The following FBXL7 variants were observed in gnomAD, a reference collection of about 807,000 sequenced individuals.
The protein encoded by FBXL7 is F-box and leucine rich repeat protein 7.
In FBXL7, 12 loss-of-function variants were observed where a neutral mutation model predicts 38.3. The ratio of observed to expected loss-of-function variants is 0.31; its 90% confidence interval spans 0.20 to 0.51. The LOEUF (loss-of-function observed/expected upper bound fraction) is 0.51, where lower values mean the gene tolerates loss of function less well. FBXL7 is among the 20% of genes least tolerant of loss of function. The pLI, the probability that FBXL7 is intolerant of heterozygous loss-of-function variation, is 0.98. For missense variants in FBXL7, 567 were observed against 676.4 expected (o/e 0.84, Z 1.79); for synonymous variants, 297 against 300.9 (o/e 0.99, Z 0.13).
At chr5:15,892,724 C>T (rs1298723933) in intron 2 of FBXL7, among the ~76,000 whole-genome samples, 1 of 152,168 alleles carries the variant, frequency 6.6e-6, no homozygotes, top group East Asian at 1.9e-4. Context: ...GTGTGCCTGA[C>T]CCTTCATTAA....
intron 2 of FBXL7, among the ~76,000 whole-genome samples, chr5:15,808,301 A>G (rs1737769215): frequency 6.6e-6 from 1 of 151,962 alleles, no homozygotes; most frequent in Non-Finnish European, 1.5e-5. Flanking sequence ...TTTTTACATT[A>G]ATTTGCCTTC....
At chr5:15,589,252 C>T (rs910777911) in intron 1 of FBXL7, among the ~76,000 whole-genome samples, 3 of 151,994 alleles carry the variant, frequency 2.0e-5, no homozygotes, top group South Asian at 2.1e-4. Flanking sequence ...TTTCTGTCCC[C>T]GCCCAAATCT....
intron 2 of FBXL7, among the ~76,000 whole-genome samples, chr5:15,876,078 C>T (rs1375912080): frequency 6.6e-6 from 1 of 152,082 alleles, no homozygotes; most frequent in South Asian, 2.1e-4. Flanking sequence ...AGCCATAAAA[C>T]AGAATGAGTT....
chr5:15,801,185 C>T (rs1737555065), intron 2 of FBXL7, among the ~76,000 whole-genome samples: 1 of 152,176 alleles, frequency 6.6e-6, no homozygotes, highest in South Asian at 2.1e-4. Flanking sequence ...CTACAAAATA[C>T]ATTTGCAATA....
intron 1 of FBXL7, among the ~76,000 whole-genome samples, chr5:15,512,457 A>C (rs1414325115): frequency 2.6e-5 from 4 of 152,182 alleles, no homozygotes; most frequent in African/African-American, 7.2e-5. Flanking sequence ...ATAAGGATGG[A>C]TCTATAGCCA....
At chr5:15,805,907 ATCT>A (rs1387901082) in intron 2 of FBXL7, among the ~76,000 whole-genome samples, 7 of 152,328 alleles carry the variant, frequency 4.6e-5, no homozygotes, top group African/African-American at 1.4e-4. Context: ...TGAGAGGCTT[ATCT>A]TCTTTTCTCA....
In FBXL7 at chr5:15,936,387, T is replaced by C. The variant is rs1026279759; in HGVS notation, c.740-63T>C. The C allele has an allele frequency of 5.8e-6, 9 of 1,555,762 alleles. No individual in the cohort carries two copies. In the Admixed American group the frequency reaches 1.4e-4, roughly 24 times the overall value. On this transcript the variant is annotated intron_variant, in intron 3 of 3. Transcript: ENST00000504595. The surrounding 1 kb of genome is among the most constrained non-coding windows in gnomAD (Gnocchi z 6.0). Reference sequence around the variant, plus strand: ...CGAGGGTCAGGAATGCCCCAGGGCATCCCCAGGCGTGGCTCCCCTGCTGGC... The same window carrying C: ...CGAGGGTCAGGAATGCCCCAGGGCACCCCCAGGCGTGGCTCCCCTGCTGGC...
intron 2 of FBXL7, among the ~76,000 whole-genome samples, chr5:15,894,820 T>C (rs952503244): frequency 3.3e-5 from 5 of 152,256 alleles, no homozygotes; most frequent in Non-Finnish European, 7.3e-5. Flanking sequence ...CAATTCTAGC[T>C]GTGCCATCAG....
At chr5:15,670,018 A>T (rs1402915076) in intron 2 of FBXL7, among the ~76,000 whole-genome samples, 1 of 152,166 alleles carries the variant, frequency 6.6e-6, no homozygotes, top group Admixed American at 6.6e-5. Flanking sequence ...CACAAAGACC[A>T]CAGAGTATTG....
intron 2 of FBXL7, among the ~76,000 whole-genome samples, chr5:15,656,431 C>T (rs983092626): frequency 1.3e-5 from 2 of 152,092 alleles, no homozygotes; most frequent in African/African-American, 2.4e-5. Context: ...AGGAGGAGCA[C>T]GTCCCGTCTT....
intron 2 of FBXL7, among the ~76,000 whole-genome samples, chr5:15,620,413 GTTT>G (rs1222509010): frequency 4.2e-5 from 4 of 95,214 alleles, no homozygotes; most frequent in Non-Finnish European, 6.9e-5. Context: ...TTTGTTTTTT[GTTT>G]TTTTTTTTTT....
At chr5:15,561,017 CAT>C (rs901302525) in intron 1 of FBXL7, among the ~76,000 whole-genome samples, 2 of 152,188 alleles carry the variant, frequency 1.3e-5, no homozygotes, top group African/African-American at 4.8e-5. Context: ...CATCATCTCA[CAT>C]GTTTCCGTTT....
At chr5:15,675,773 A>G (rs1742633704) in intron 2 of FBXL7, among the ~76,000 whole-genome samples, 1 of 152,260 alleles carries the variant, frequency 6.6e-6, no homozygotes, top group Non-Finnish European at 1.5e-5. Context: ...CGCTTTTAAT[A>G]GGACCATTCA....
intron 2 of FBXL7, among the ~76,000 whole-genome samples, chr5:15,814,340 C>T (rs1185724406): frequency 6.6e-6 from 1 of 152,104 alleles, no homozygotes; most frequent in African/African-American, 2.4e-5. Context: ...GAAAACCAAA[C>T]ACTGCATGTT....
chr5:15,541,441 G>GTGTA (rs1554004553), intron 1 of FBXL7, among the ~76,000 whole-genome samples: 10 of 53,368 alleles, frequency 1.9e-4, no homozygotes, highest in African/African-American at 5.8e-4. Flanking sequence ...ATGTGTGTGT[G>GTGTA]TGTATATATA....
intron 2 of FBXL7, among the ~76,000 whole-genome samples, chr5:15,712,551 G>A (rs1031378776): frequency 2.0e-5 from 3 of 152,046 alleles, no homozygotes; most frequent in Non-Finnish European, 2.9e-5. Flanking sequence ...CTGGAAGGCA[G>A]GAAAGGCAAT....
At chr5:15,773,461 T>G (rs148757781) in intron 2 of FBXL7, among the ~76,000 whole-genome samples, 1 of 151,888 alleles carries the variant, frequency 6.6e-6, no homozygotes, top group Non-Finnish European at 1.5e-5. Context: ...CTGGGCAACA[T>G]AGCAAAACCC....
intron 1 of FBXL7, among the ~76,000 whole-genome samples, chr5:15,613,471 G>C (rs1182464178): frequency 6.6e-6 from 1 of 152,142 alleles, no homozygotes; most frequent in Non-Finnish European, 1.5e-5. Flanking sequence ...GCATTGTTTT[G>C]GTTAACTCTG....
intron 2 of FBXL7, among the ~76,000 whole-genome samples, chr5:15,685,808 A>G (rs1354932429): frequency 1.3e-5 from 2 of 152,234 alleles, no homozygotes; most frequent in Non-Finnish European, 2.9e-5. Flanking sequence ...GCTTAGCAGT[A>G]TGCCTGGCAC....
Sources: gnomAD v4.1 joint callset for allele counts (sites outside exome capture counted in the v4.1 genomes callset) on GRCh38, gnomAD v4.1.1 for gene constraint, Gnocchi (gnomAD v3.1) non-coding constraint, MANE v1.5 for transcripts, NCBI Gene and HGNC (gene_info 2026-07-23, HGNC 2026-07-21) for gene names.